RIMS1: variants seen among roughly 807,000 people sequenced by gnomAD.
RIMS1 encodes regulating synaptic membrane exocytosis protein 1.
RIMS1 carries 83 observed loss-of-function variants against 214.1 expected under a neutral mutation model. The observed-to-expected ratio is 0.39, with a 90% confidence interval of 0.32 to 0.47. The LOEUF is 0.47. Ranked by LOEUF, RIMS1 falls within the 20% of genes least tolerant of loss-of-function variation. RIMS1 has a pLI of 0.99. For missense variants in RIMS1, 2,050 were observed against 2,161.8 expected (o/e 0.95, Z 1.03); for synonymous variants, 793 against 786.8 (o/e 1.01, Z -0.13).
intron 19 of RIMS1, chr6:72,261,307 C>T (rs746207519): frequency 1.6e-5 from 16 of 998,268 alleles, no homozygotes; most frequent in Non-Finnish European, 1.9e-5. Context: ...AGATATTCAA[C>T]CTGATCTTAA....
At chr6:71,897,921 T>G (rs1298439186) in intron 1 of RIMS1, among the ~76,000 whole-genome samples, 1 of 152,156 alleles carries the variant, frequency 6.6e-6, no homozygotes, top group East Asian at 1.9e-4. Flanking sequence ...GTGGGATGAT[T>G]ATTCTAACCA....
At chr6:71,912,941 T>C (rs985540870) in intron 1 of RIMS1, among the ~76,000 whole-genome samples, 1 of 152,136 alleles carries the variant, frequency 6.6e-6, no homozygotes, top group African/African-American at 2.4e-5. Flanking sequence ...ATGTGAAAAA[T>C]GAGCTTCATG....
At chr6:72,355,946 T>C (rs2097622988) in intron 29 of RIMS1, among the ~76,000 whole-genome samples, 2 of 152,198 alleles carry the variant, frequency 1.3e-5, no homozygotes, top group African/African-American at 4.8e-5. Flanking sequence ...TGTTGTTGCG[T>C]TCTAGATACT....
chr6:71,913,876 T>C (rs1777614309), intron 1 of RIMS1, among the ~76,000 whole-genome samples: 1 of 152,106 alleles, frequency 6.6e-6, no homozygotes, highest in East Asian at 1.9e-4. Flanking sequence ...ACTTCCTTTC[T>C]CTACAACTCA....
At chr6:72,263,993 C>A in intron 19 of RIMS1, 1 of 677,966 alleles carries the variant, frequency 1.5e-6, no homozygotes, top group Non-Finnish European at 1.8e-6. Flanking sequence ...GACTCTGTCT[C>A]AAAAAAGAAA....
intron 1 of RIMS1, among the ~76,000 whole-genome samples, chr6:71,935,252 A>G (rs1462287393): frequency 2.6e-5 from 4 of 152,224 alleles, no homozygotes; most frequent in Non-Finnish European, 4.4e-5. Context: ...AAGAGTCAAT[A>G]TTTTATCAAG....
At chr6:72,120,946 A>G (rs2038162618) in intron 4 of RIMS1, among the ~76,000 whole-genome samples, 1 of 151,852 alleles carries the variant, frequency 6.6e-6, no homozygotes, top group Admixed American at 6.6e-5. Flanking sequence ...TAAGTTTGTC[A>G]AAGACTAGAT....
intron 6 of RIMS1, among the ~76,000 whole-genome samples, chr6:72,185,178 T>TA (rs1027133316): frequency 1.3e-5 from 2 of 152,134 alleles, no homozygotes; most frequent in African/African-American, 4.8e-5. Flanking sequence ...TTCTGGACCT[T>TA]AAAGGCTCAT....
At chr6:72,265,580 A>G in intron 21 of RIMS1, 77 bp downstream of exon 21, 4 of 789,388 alleles carry the variant, frequency 5.1e-6, no homozygotes, top group Non-Finnish European at 8.3e-6. Context: ...TTGTAAAATT[A>G]TTTCTCCTCT....
At chr6:72,038,894 A>G (rs1454625017) in intron 2 of RIMS1, among the ~76,000 whole-genome samples, 3 of 152,154 alleles carry the variant, frequency 2.0e-5, no homozygotes, top group African/African-American at 7.2e-5. Flanking sequence ...TGGCTGGGCT[A>G]TAAGAGTCTT....
At chr6:71,891,190 A>G (rs1769751886) in intron 1 of RIMS1, among the ~76,000 whole-genome samples, 1 of 152,234 alleles carries the variant, frequency 6.6e-6, no homozygotes, top group Non-Finnish European at 1.5e-5. Context: ...AGTGTAGTGG[A>G]AAGACCATTA....
In RIMS1 at chr6:72,250,454, A is replaced by G; in HGVS notation, c.2366A>G (p.Asp789Gly). 6.3e-7 allele frequency: 1 copy of G among 1,576,790 alleles called. No homozygotes were observed. The highest frequency in any genetic ancestry group is 8.6e-7 in the Non-Finnish European group (1 of 1,156,504). ...NPYVKMYFLP[D>G]RSDKSKRRTK... is the part of the protein sequence containing the mutation. The stretch of plus-strand genomic sequence containing the variant: ...TATGTAAAAATGTATTTTCTTCCAG[A>G]TAGAAGGTAGTGAATAATTTTAGAA... Residue 789 changes from aspartate (D) to glycine (G), a missense_variant, in exon 13 of 34, where the codon GAT becomes GGT. Asp to Gly is a moderately conservative substitution (Grantham distance 94, BLOSUM62 -1). This residue lies in a region of RIMS1 where 889 missense variants were observed against 885.5 expected (regional missense o/e 1.00). Coordinates refer to ENST00000521978, the MANE Select transcript of RIMS1 (RefSeq NM_014989.7).
chr6:72,123,742 C>G (rs2153834079), intron 4 of RIMS1, among the ~76,000 whole-genome samples: 1 of 151,846 alleles, frequency 6.6e-6, no homozygotes, highest in East Asian at 1.9e-4. Context: ...TTCTTTGTCT[C>G]TTTTGATCTT....
intron 2 of RIMS1, among the ~76,000 whole-genome samples, chr6:72,078,479 G>T (rs763342230): frequency 4.6e-5 from 7 of 151,414 alleles, no homozygotes; most frequent in Non-Finnish European, 7.4e-5. Flanking sequence ...ATATTTTCTT[G>T]TTATATTGGC....
chr6:72,068,479 G>A (rs1379953452), intron 2 of RIMS1, among the ~76,000 whole-genome samples: 1 of 152,206 alleles, frequency 6.6e-6, no homozygotes, highest in African/African-American at 2.4e-5. Flanking sequence ...GGAAGAGAAA[G>A]CAGGTAACAA....
At chr6:72,038,401 T>A (rs948272762) in intron 2 of RIMS1, among the ~76,000 whole-genome samples, 3 of 151,746 alleles carry the variant, frequency 2.0e-5, no homozygotes, top group African/African-American at 7.3e-5. Flanking sequence ...GGGAAAACAG[T>A]TTTTCATAAT....
chr6:72,324,108 C>A (rs2096324869), intron 28 of RIMS1, among the ~76,000 whole-genome samples: 1 of 151,506 alleles, frequency 6.6e-6, no homozygotes, highest in South Asian at 2.1e-4. Context: ...CATGAGGTGA[C>A]CAGCACTACA....
At chr6:72,090,024 G>A (rs1247838433) in intron 2 of RIMS1, among the ~76,000 whole-genome samples, 1 of 116,054 alleles carries the variant, frequency 8.6e-6, no homozygotes, top group Non-Finnish European at 1.7e-5. Context: ...CTGTGGTGGG[G>A]TGGGGGGAGG....
In RIMS1 at chr6:72,260,693, C is replaced by CTG. The variant is rs1563201095; in HGVS notation, c.3054-10_3054-9dup. ...TTATCTGTTTCACTCACCACCCATC[C>CTG]TGTCTGTGCAGTGAGCTTCTTATGC... On this transcript the variant is annotated splice_polypyrimidine_tract_variant and intron_variant, in intron 18 of 33. Coordinates refer to ENST00000521978, the MANE Select transcript of RIMS1 (RefSeq NM_014989.7). 1 of 1,612,110 alleles carries CTG rather than the reference C, an allele frequency of 6.2e-7. No homozygotes were observed. Among genetic ancestry groups the CTG allele is most frequent in the East Asian group, 2.2e-5 (1 of 44,816 alleles).
Sources: allele counts gnomAD v4.1 joint callset (sites outside exome capture counted in the v4.1 genomes callset), GRCh38; gene constraint gnomAD v4.1.1; regional missense constraint gnomAD v4.1.1; transcripts MANE v1.5; gene names NCBI Gene and HGNC (gene_info 2026-07-23, HGNC 2026-07-21).